Variants in PCDHA7 observed in about 807,000 individuals in gnomAD.
The protein encoded by PCDHA7 is protocadherin alpha-7.
A neutral mutation model predicts 57.2 loss-of-function variants in PCDHA7; 37 were observed. The observed-to-expected ratio is 0.65, with a 90% CI of 0.50 to 0.85. The LOEUF is 0.85. PCDHA7 is among the 40% of genes least tolerant of loss of function. The pLI is 0.00. For synonymous variants in PCDHA7, 553 were observed against 558.8 expected, an observed-to-expected ratio of 0.99 and a Z score of 0.15; for missense variants, 1,188 against 1,241.8, an observed-to-expected ratio of 0.96 and a Z score of 0.65.
intron 1 of PCDHA7, chr5:140,968,473 G>T (rs1389339011): frequency 6.2e-7 from 1 of 1,613,980 alleles, no homozygotes; most frequent in African/African-American, 1.3e-5. Context: ...ACGTATATGT[G>T]GTGGACATGA....
At chr5:140,989,041 A>G (rs531223216) in intron 3 of PCDHA7, 1 of 152,340 alleles carries the variant, frequency 6.6e-6, no homozygotes, top group Admixed American at 6.5e-5. Flanking sequence ...GATTCCTTTA[A>G]TATGCCAGCT....
At position 140,946,093 on chromosome 5, in the gene PCDHA7, T is replaced by A. The variant is rs1171535500; in HGVS notation, c.2356-32856T>A. Among the ~76,000 whole-genome samples, 4 of 151,584 alleles carry A rather than the reference T, an allele frequency of 2.6e-5. No homozygotes were observed. In the East Asian group the frequency reaches 7.7e-4, roughly 29 times the overall value. ...TGCAAACCACAGATCTGATAAGGAG[T>A]TAACATACCAAATATATAAGGAACT... is the stretch of plus-strand genomic sequence containing the variant. On this transcript the variant is annotated intron_variant, in intron 1 of 3. Transcript: ENST00000525929.
In PCDHA7 at chr5:140,856,586, G is replaced by A. The variant is rs1185371115; in HGVS notation, c.2355+19848G>A. 7 of 1,597,236 alleles carry A rather than the reference G, an allele frequency of 4.4e-6. 1 individual carries two copies. The highest frequency in any genetic ancestry group is 6.0e-6 in the Non-Finnish European group (7 of 1,166,914). ...CAGTCCAAATGAGTATTTTGTTCTT[G>A]ATATTATAAACAAAAAAGACAAAGA... On this transcript the variant is annotated intron_variant, in intron 1 of 3. Coordinates refer to ENST00000525929, the MANE Select transcript of PCDHA7 (RefSeq NM_018910.3).
intron 3 of PCDHA7, among the ~76,000 whole-genome samples, chr5:141,002,672 C>A (rs1301536253): frequency 6.6e-6 from 1 of 152,292 alleles, no homozygotes; most frequent in African/African-American, 2.4e-5. Context: ...AGGACCAAAA[C>A]CTATACGACG....
At chr5:140,849,666 C>T (rs2041028520) in intron 1 of PCDHA7, 2 of 1,598,568 alleles carry the variant, frequency 1.3e-6, no homozygotes, top group African/African-American at 1.3e-5. Context: ...CTCCCTGACG[C>T]CCCACGTCCC....
chr5:140,919,601 A>G (rs1465882979), intron 1 of PCDHA7, among the ~76,000 whole-genome samples: 1 of 152,178 alleles, frequency 6.6e-6, no homozygotes, highest in Non-Finnish European at 1.5e-5. Context: ...TTTAAAATAA[A>G]TTTTAAACTG....
chr5:140,887,497 A>G (rs981649331), intron 1 of PCDHA7, among the ~76,000 whole-genome samples: 1 of 152,150 alleles, frequency 6.6e-6, no homozygotes, highest in Admixed American at 6.5e-5. Context: ...ATAGTTTCTA[A>G]TAAGATGTTT....
intron 1 of PCDHA7, chr5:140,854,223 C>A: frequency 1.1e-5 from 7 of 631,586 alleles, no homozygotes; most frequent in Non-Finnish European, 1.2e-5. Flanking sequence ...TGGACATCTA[C>A]ATTGGGATAT....
At chr5:140,840,009 T>C (rs1322278624) in intron 1 of PCDHA7, among the ~76,000 whole-genome samples, 2 of 152,046 alleles carry the variant, frequency 1.3e-5, no homozygotes, top group Admixed American at 6.5e-5. Context: ...ACTGAGAAGA[T>C]TGGCTCATGG....
rs797023184 is a variant in PCDHA7 at position 140,941,202 on chromosome 5, CCTTT to C, written c.2356-37739_2356-37736del. The stretch of plus-strand genomic sequence containing the variant: ...TCCTGCTTCTTTTTTTTTCTTTCTT[CCTTT>C]CTTTCTTCCTTTCTTTCTTTCTTTC... On this transcript the variant is annotated intron_variant, in intron 1 of 3. Transcript: ENST00000525929. Among the ~76,000 whole-genome samples, 914 of 122,710 alleles carry C rather than the reference CCTTT, an allele frequency of 7.4e-3. 14 individuals are homozygous for C. The highest frequency in any genetic ancestry group is 0.013 in the African/African-American group (444 of 33,832). The allele number at this position is 122,710 out of a possible 152,430, so 80.5% of individuals were successfully genotyped here. A position where few individuals can be genotyped will look rare whatever the true frequency, so the allele number is the denominator to read the frequency against.
rs1191412792 is a variant in PCDHA7 at position 140,853,165 on chromosome 5, C to T, written c.2355+16427C>T. ...AAATGCTGGGATTACAGGCGTGAGCCACCGCGCCTGGCCTAAAATGTGTTC... is the reference window on the plus strand; with the variant it reads ...AAATGCTGGGATTACAGGCGTGAGCTACCGCGCCTGGCCTAAAATGTGTTC... On this transcript the variant is annotated intron_variant, in intron 1 of 3. Coordinates refer to ENST00000525929, the MANE Select transcript of PCDHA7 (RefSeq NM_018910.3). The T allele has an allele frequency of 4.2e-6, 4 of 947,174 alleles. No homozygotes were observed. In the African/African-American group the frequency reaches 7.1e-5, roughly 17 times the overall value. The allele number at this position is 947,174 out of a possible 1,614,324, so 58.7% of individuals were successfully genotyped here.
chr5:140,897,999 G>A (rs1411789620), intron 1 of PCDHA7, among the ~76,000 whole-genome samples: 3 of 152,142 alleles, frequency 2.0e-5, no homozygotes, highest in East Asian at 1.9e-4. Context: ...TTTGAGAAGT[G>A]TCTGTTCATA....
At chr5:140,928,475 G>A (rs369473809) in intron 1 of PCDHA7, 1 of 1,614,136 alleles carries the variant, frequency 6.2e-7, no homozygotes, top group African/African-American at 1.3e-5. Context: ...GTAGAAGGCC[G>A]GGATGGTGGC....
chr5:140,870,080 C>T (rs2051640102), intron 1 of PCDHA7: 1 of 1,613,722 alleles, frequency 6.2e-7, no homozygotes, highest in Non-Finnish European at 8.5e-7. Flanking sequence ...GATAAGGGGA[C>T]TCCCCCAATG....
Position 140,841,598 on chromosome 5 carries a change from G to T in PCDHA7, c.2355+4860G>T, listed in dbSNP as rs2150318945. 1.9e-6 allele frequency: 3 copies of T among 1,614,142 alleles called. No homozygotes were observed. The South Asian group carries it at 3.3e-5, about 18-fold the overall frequency. On this transcript the variant is annotated intron_variant, in intron 1 of 3. Coordinates refer to ENST00000525929, the MANE Select transcript of PCDHA7 (RefSeq NM_018910.3). ...GTTTGTGAATTCTCGGATCGACCGCGAGGAGCTGTGCGGGCGGAGCGCGGA... is the reference window on the plus strand; with the variant it reads ...GTTTGTGAATTCTCGGATCGACCGCTAGGAGCTGTGCGGGCGGAGCGCGGA...
chr5:140,850,469 G>A lies in PCDHA7; in HGVS notation c.2355+13731G>A, dbSNP rs2150485500. 6.3e-6 allele frequency: 10 copies of A among 1,597,768 alleles called. 2 individuals carry two copies. The highest frequency in any genetic ancestry group is 8.6e-6 in the Non-Finnish European group (10 of 1,167,634). On this transcript the variant is annotated intron_variant, in intron 1 of 3. Transcript: ENST00000525929. Reference sequence around the variant, plus strand: ...TGGTGAAAGACCACGGGGAGCCAGCGCTGACGGCCACGGCCACTGTGCTGG... The same window carrying A: ...TGGTGAAAGACCACGGGGAGCCAGCACTGACGGCCACGGCCACTGTGCTGG...
At chr5:140,850,096 A>C (rs2150466906) in intron 1 of PCDHA7, 2 of 1,596,118 alleles carry the variant, frequency 1.3e-6, no homozygotes, top group African/African-American at 1.3e-5. Context: ...CTACAGTTCC[A>C]GGTGAGCGCG....
intron 3 of PCDHA7, among the ~76,000 whole-genome samples, chr5:140,999,519 G>A (rs1303009823): frequency 6.6e-6 from 1 of 152,074 alleles, no homozygotes; most frequent in Non-Finnish European, 1.5e-5. Context: ...TAAGCATTTT[G>A]TTACCCCCTG....
intron 1 of PCDHA7, chr5:140,876,084 A>G: frequency 6.2e-7 from 1 of 1,613,962 alleles, no homozygotes; most frequent in Non-Finnish European, 8.5e-7. Context: ...ACAGAGAGCA[A>G]ACGCCAAAAC....
Sources: allele counts gnomAD v4.1 joint callset (sites outside exome capture counted in the v4.1 genomes callset), GRCh38; gene constraint gnomAD v4.1.1; transcripts MANE v1.5; gene names NCBI Gene and HGNC (gene_info 2026-07-23, HGNC 2026-07-21).